GTF2IRD1: variants seen among roughly 807,000 people sequenced by gnomAD.
The protein encoded by GTF2IRD1 is general transcription factor II-I repeat domain-containing protein 1.
Under a neutral mutation model 113.2 loss-of-function variants are expected in GTF2IRD1, and 26 were observed. That is an observed-to-expected ratio of 0.23 (90% CI 0.17 to 0.32). The LOEUF is 0.32. Ranked by LOEUF, GTF2IRD1 falls within the 10% of genes least tolerant of loss-of-function variation. GTF2IRD1 has a pLI of 1.00. For synonymous variants in GTF2IRD1, 484 were observed against 529.1 expected, an observed-to-expected ratio of 0.91 and a Z score of 1.17; for missense variants, 864 against 1,280.8, an observed-to-expected ratio of 0.67 and a Z score of 4.97.
chr7:74,454,732 T>A (rs1185314277), intron 1 of GTF2IRD1, among the ~76,000 whole-genome samples: 2 of 151,926 alleles, frequency 1.3e-5, no homozygotes, highest in Non-Finnish European at 1.5e-5. Flanking sequence ...GGGGCTGGCC[T>A]GTGTGGTGGT....
At chr7:74,480,381 G>A (rs950907028) in intron 1 of GTF2IRD1, among the ~76,000 whole-genome samples, 3 of 152,174 alleles carry the variant, frequency 2.0e-5, no homozygotes, top group African/African-American at 4.8e-5. Context: ...CTGGCCAGGG[G>A]CCCCAGTGCA....
chr7:74,454,086 A>T lies in GTF2IRD1; in HGVS notation c.-97A>T, dbSNP rs1300056107. 6.7e-6 allele frequency: 1 copy of T among 149,154 alleles called. No individual in the cohort carries two copies. The highest frequency in any genetic ancestry group is 2.0e-4 in the East Asian group (1 of 4,936). 9.2% of individuals were successfully genotyped at this position (149,154 alleles called of 1,614,324 possible). A position where few individuals can be genotyped will look rare whatever the true frequency, so the allele number is the denominator to read the frequency against. On this transcript the variant is annotated 5_prime_UTR_variant, in exon 1 of 27. Coordinates refer to ENST00000424337, the MANE Select transcript of GTF2IRD1 (RefSeq NM_005685.4). ...GCCTCTCCTTCCCCCATTCTCCCGG[A>T]TTAATTAAGGAGGCAGCGGCAGGAG...
rs1190092486 is a variant in GTF2IRD1 at position 74,512,343 on chromosome 7, CTG to C, written c.124-483_124-482del. Among the ~76,000 whole-genome samples, 1 of 152,278 alleles carries C rather than the reference CTG, an allele frequency of 6.6e-6. No homozygotes were observed. Among genetic ancestry groups the C allele is most frequent in the African/African-American group, 2.4e-5 (1 of 41,580 alleles). The stretch of plus-strand genomic sequence containing the variant: ...CTCCAGCCTGGGCGACAGAGTGAGA[CTG>C]TGTCTCAAAAAACAAAACAAAACAG... On this transcript the variant is annotated intron_variant, in intron 2 of 26. Coordinates refer to ENST00000424337, the MANE Select transcript of GTF2IRD1 (RefSeq NM_005685.4). This position sits in a 1 kb window ranked among gnomAD's most constrained non-coding sequence, Gnocchi z 4.4.
intron 1 of GTF2IRD1, among the ~76,000 whole-genome samples, chr7:74,461,157 AC>A (rs1234564414): frequency 6.6e-6 from 1 of 151,482 alleles, no homozygotes; most frequent in African/African-American, 2.4e-5. Flanking sequence ...GGTGTGTGGG[AC>A]CCCCGGGGGC....
intron 1 of GTF2IRD1, chr7:74,506,042 A>G (rs1320260187): frequency 6.6e-6 from 1 of 152,266 alleles, no homozygotes; most frequent in Non-Finnish European, 1.5e-5. Context: ...CCCACCGGCC[A>G]GTTGTTTAAA....
intron 8 of GTF2IRD1, among the ~76,000 whole-genome samples, chr7:74,525,157 T>G (rs1277778863): frequency 6.6e-6 from 1 of 152,230 alleles, no homozygotes; most frequent in Non-Finnish European, 1.5e-5. Flanking sequence ...ACCTCCCAGC[T>G]TTACCTGTGC....
At chr7:74,462,595 A>T (rs541082500) in intron 1 of GTF2IRD1, among the ~76,000 whole-genome samples, 1 of 152,126 alleles carries the variant, frequency 6.6e-6, no homozygotes, top group East Asian at 1.9e-4. Flanking sequence ...AATCTAGCAA[A>T]CCGGCTTGGC....
In GTF2IRD1 at chr7:74,518,170, A is replaced by T; in HGVS notation, c.453A>T (p.Pro151=). The T allele has an allele frequency of 6.2e-7, 1 of 1,604,216 alleles. No individual in the cohort carries two copies. Among genetic ancestry groups the T allele is most frequent in the Non-Finnish European group, 8.5e-7 (1 of 1,174,364 alleles). Residue 151 remains proline, a synonymous_variant, in exon 5 of 27, where the codon CCA becomes CCT. Transcript: ENST00000424337. ...SEALGRASVV[P]LPYERLLREP... ...CCCTGGGAAGGGCCAGTGTGGTGCC[A>T]CTGCCCTATGAGAGGCTGCTCAGGG...
chr7:74,528,313 C>G (rs782493908), intron 8 of GTF2IRD1, among the ~76,000 whole-genome samples: 1 of 152,136 alleles, frequency 6.6e-6, no homozygotes, highest in Non-Finnish European at 1.5e-5. Context: ...TGGACTCAAG[C>G]GATCCTCCAG....
intron 8 of GTF2IRD1, among the ~76,000 whole-genome samples, chr7:74,525,898 G>A (rs1554347139): frequency 1.3e-5 from 2 of 152,212 alleles, no homozygotes; most frequent in African/African-American, 4.8e-5. Flanking sequence ...GACCACGTCT[G>A]GGGCAGCCTC....
chr7:74,524,223 A>T (rs777715613), intron 8 of GTF2IRD1, 69 bp downstream of exon 8: 73 of 1,024,050 alleles, frequency 7.1e-5, no homozygotes, highest in Non-Finnish European at 1.0e-4. Context: ...CGTGGCAATC[A>T]CTCGTGTTCC....
chr7:74,599,123 C>A (rs143751351), intron 25 of GTF2IRD1, among the ~76,000 whole-genome samples: 2 of 152,094 alleles, frequency 1.3e-5, no homozygotes, highest in Non-Finnish European at 2.9e-5. Context: ...ACAGAGACCC[C>A]GTCTCTACAA....
rs371044326 is a variant in GTF2IRD1 at position 74,521,235 on chromosome 7, C to G, written c.944C>G (p.Pro315Arg). ...CGQKPTGPGG[P>R]LIQNVHASKR... ...CAGAAGCCCACTGGGCCTGGTGGGC[C>G]TCTCATCCAGAACGTCCATGCCTCC... Residue 315 changes from proline to arginine, a missense_variant, in exon 7 of 27, where the codon CCT becomes CGT. This residue lies in a region of GTF2IRD1 where 195 missense variants were observed against 196.6 expected (regional missense o/e 0.99). Coordinates refer to ENST00000424337, the MANE Select transcript of GTF2IRD1 (RefSeq NM_005685.4). The G allele has an allele frequency of 6.2e-7, 1 of 1,609,184 alleles. No individual in the cohort carries two copies. Among genetic ancestry groups the G allele is most frequent in the Non-Finnish European group, 8.5e-7 (1 of 1,175,928 alleles).
chr7:74,570,558 G>A (rs1284270530), intron 22 of GTF2IRD1, among the ~76,000 whole-genome samples: 2 of 152,090 alleles, frequency 1.3e-5, no homozygotes, highest in Non-Finnish European at 2.9e-5. Context: ...GGAGGCTGAG[G>A]AGGGAGGATC....
At chr7:74,572,496 A>T (rs1800753871) in intron 22 of GTF2IRD1, 2 of 682,440 alleles carry the variant, frequency 2.9e-6, no homozygotes, top group South Asian at 1.3e-4. Flanking sequence ...AAGTTAACTT[A>T]CTGTCTTTGA....
At chr7:74,519,884 C>T (rs1554345553) in intron 6 of GTF2IRD1, among the ~76,000 whole-genome samples, 165 bp downstream of exon 6, 1 of 151,878 alleles carries the variant, frequency 6.6e-6, no homozygotes, top group Admixed American at 6.6e-5. Flanking sequence ...TGGCTGAGAC[C>T]CCCTTGGACC....
At chr7:74,489,092 A>G (rs1795181430) in intron 1 of GTF2IRD1, among the ~76,000 whole-genome samples, 1 of 148,962 alleles carries the variant, frequency 6.7e-6, no homozygotes, top group Non-Finnish European at 1.5e-5. Context: ...CAGTGAGCCA[A>G]GATCGTGCCA....
chr7:74,532,643 T>C (rs1267685661), intron 9 of GTF2IRD1, among the ~76,000 whole-genome samples: 2 of 151,932 alleles, frequency 1.3e-5, no homozygotes, highest in Non-Finnish European at 2.9e-5. Flanking sequence ...GGAAGCCAGT[T>C]TTCCCCCAAA....
chr7:74,553,032 T>C (rs1398918141), intron 17 of GTF2IRD1, among the ~76,000 whole-genome samples: 1 of 151,968 alleles, frequency 6.6e-6, no homozygotes, highest in Non-Finnish European at 1.5e-5. Context: ...GAGACGGTGT[T>C]TCACCATGTT....
Sources: gnomAD v4.1 joint callset for allele counts (sites outside exome capture counted in the v4.1 genomes callset) on GRCh38, gnomAD v4.1.1 for gene constraint, gnomAD v4.1.1 regional missense constraint, Gnocchi (gnomAD v3.1) non-coding constraint, MANE v1.5 for transcripts, NCBI Gene and HGNC (gene_info 2026-07-23, HGNC 2026-07-21) for gene names.